The following MAD2L1BP variants were observed in gnomAD, a reference collection of about 807,000 sequenced individuals.
The protein encoded by MAD2L1BP is MAD2L1 binding protein, also known as MAD2L1-binding protein.
MAD2L1BP carries 22 observed loss-of-function variants against 28.4 expected under a neutral mutation model. The ratio of observed to expected loss-of-function variants is 0.77; its 90% CI spans 0.55 to 1.10. MAD2L1BP has a LOEUF of 1.10. Ranked by LOEUF, MAD2L1BP falls within the 50% of genes least tolerant of loss-of-function variation. MAD2L1BP has a pLI of 0.00. For missense variants in MAD2L1BP, 325 were observed against 350.5 expected (o/e 0.93, Z 0.58); for synonymous variants, 146 against 133.7 (o/e 1.09, Z -0.63).
At chr6:43,634,828 G>A (rs930384917), upstream of MAD2L1BP, among the ~76,000 whole-genome samples, 1 of 152,116 alleles carries the variant, frequency 6.6e-6, no homozygotes, top group African/African-American at 2.4e-5. Context: ...CAAAGTGCTA[G>A]GATTACAGGC....
In MAD2L1BP at chr6:43,640,178, A is replaced by G. The variant is rs1770486837; in HGVS notation, c.470A>G (p.Asn157Ser). The G allele has an allele frequency of 1.2e-6, 2 of 1,613,344 alleles. No individual in the cohort carries two copies. Among genetic ancestry groups the G allele is most frequent in the African/African-American group, 1.3e-5 (1 of 74,912 alleles). The change falls in exon 3 of 3, where the codon AAT becomes AGT. Residue 157 changes from asparagine (N) to serine (S), a missense_variant. By Grantham distance (46) the Asn-to-Ser change is conservative. Transcript: ENST00000372171. ...VPRVLILLGG[N>S]ALSPKEFYEL... ...CGAGTGCTGATTCTCCTTGGGGGCA[A>G]TGCCCTAAGCCCCAAGGAGTTCTAT...
Position 43,640,826 on chromosome 6 carries a change from ACT to A in MAD2L1BP, c.*296_*297del, listed in dbSNP as rs1378365241. Reference sequence around the variant, plus strand: ...GGAAAGCAAAAATGGGTCCATAGACACTCTATGGAGGTGTCCCTTTCTGCTCT... The same window carrying A: ...GGAAAGCAAAAATGGGTCCATAGACACTATGGAGGTGTCCCTTTCTGCTCT... On this transcript the variant is annotated 3_prime_UTR_variant, in exon 3 of 3. Coordinates refer to ENST00000372171, the MANE Select transcript of MAD2L1BP (RefSeq NM_014628.3). 8.9e-6 allele frequency: 3 copies of A among 336,278 alleles called. No individual in the cohort carries two copies. In the Admixed American group the frequency reaches 1.4e-4, roughly 16 times the overall value. The allele number at this position is 336,278 out of a possible 1,614,324, so 20.8% of individuals were successfully genotyped here. A position where few individuals can be genotyped will look rare whatever the true frequency, so the allele number is the denominator to read the frequency against.
At chr6:43,636,253 A>C in intron 1 of MAD2L1BP, 128 bp from the exon 2 acceptor site, 1 of 846,712 alleles carries the variant, frequency 1.2e-6, no homozygotes, top group Non-Finnish European at 1.8e-6. Flanking sequence ...TAGGCTGCGG[A>C]GGATATGGGC....
upstream of MAD2L1BP, among the ~76,000 whole-genome samples, chr6:43,630,927 A>G (rs955372965): frequency 2.0e-5 from 3 of 151,380 alleles, no homozygotes; most frequent in Non-Finnish European, 4.4e-5. Flanking sequence ...AAAAAAAAAA[A>G]AAAAGAAAGA....
upstream of MAD2L1BP, among the ~76,000 whole-genome samples, chr6:43,632,014 C>G (rs1165244149): frequency 6.6e-6 from 1 of 152,004 alleles, no homozygotes; most frequent in East Asian, 1.9e-4. Flanking sequence ...ATTCTCCTGC[C>G]TCAGCCTTCT....
At chr6:43,636,320 G>T in intron 1 of MAD2L1BP, 61 bp from the exon 2 acceptor site, 1 of 1,578,558 alleles carries the variant, frequency 6.3e-7, no homozygotes. Context: ...CAGGGAATGA[G>T]AAGACTGACT....
rs1463913385 is a variant in MAD2L1BP at position 43,640,650 on chromosome 6, T to TAA, written c.*117_*118insAA. ...TTCCTGGTGAGAGAGGAAGCAACTC[T>TAA]CCTTCTGGTTGTCTGCCTCCCCTCA... is the stretch of plus-strand genomic sequence containing the variant. On this transcript the variant is annotated 3_prime_UTR_variant, in exon 3 of 3. Transcript: ENST00000372171. 9.0e-7 allele frequency: 1 copy of TAA among 1,108,836 alleles called. No individual in the cohort carries two copies. Among genetic ancestry groups the TAA allele is most frequent in the Non-Finnish European group, 1.3e-6 (1 of 796,532 alleles). The allele number at this position is 1,108,836 out of a possible 1,614,324, so 68.7% of individuals were successfully genotyped here.
Position 43,640,334 on chromosome 6 carries a change from T to C in MAD2L1BP, c.626T>C (p.Met209Thr). Reference sequence around the variant, plus strand: ...AGCGAGCTTCAGGCTCCTCCACTCATGGGCACCGTCGTCATGGCACAGGGA... The same window carrying C: ...AGCGAGCTTCAGGCTCCTCCACTCACGGGCACCGTCGTCATGGCACAGGGA... ...AFSELQAPPL[M>T]GTVVMAQGHR... is the part of the protein sequence containing the mutation. Residue 209 changes from methionine (M) to threonine (T), a missense_variant, in exon 3 of 3, where the codon ATG becomes ACG. By Grantham distance (81) the Met-to-Thr change is moderately conservative (BLOSUM62 -1). Transcript: ENST00000372171. The C allele has an allele frequency of 6.8e-6, 11 of 1,613,786 alleles. No homozygotes were observed. The highest frequency in any genetic ancestry group is 8.5e-6 in the Non-Finnish European group (10 of 1,179,886).
upstream of MAD2L1BP, chr6:43,635,784 C>T: frequency 7.5e-7 from 1 of 1,333,858 alleles, no homozygotes; most frequent in Non-Finnish European, 9.8e-7. Context: ...TTTTTTCCGA[C>T]CCAACTGAGC....
chr6:43,640,578 T>G lies in MAD2L1BP; in HGVS notation c.*45T>G, dbSNP rs373043485. 2.6e-6 allele frequency: 4 copies of G among 1,518,156 alleles called. No homozygotes were observed. In the East Asian group the frequency reaches 6.9e-5, roughly 26 times the overall value. 94.0% of individuals were successfully genotyped at this position (1,518,156 alleles called of 1,614,324 possible). A position where few individuals can be genotyped will look rare whatever the true frequency, so the allele number is the denominator to read the frequency against. ...AAAAACACAATGGCTGAATTATCTT[T>G]CTCCATGTGGCGCTGAATCACCCAT... is the stretch of plus-strand genomic sequence containing the variant. On this transcript the variant is annotated 3_prime_UTR_variant, in exon 3 of 3. Coordinates refer to ENST00000372171, the MANE Select transcript of MAD2L1BP (RefSeq NM_014628.3).
chr6:43,632,013 C>T (rs1769951527), upstream of MAD2L1BP, among the ~76,000 whole-genome samples: 1 of 151,988 alleles, frequency 6.6e-6, no homozygotes, highest in Non-Finnish European at 1.5e-5. Context: ...GATTCTCCTG[C>T]CTCAGCCTTC....
intron 2 of MAD2L1BP, 77 bp from the exon 3 acceptor site, chr6:43,639,944 C>A: frequency 7.4e-7 from 1 of 1,359,464 alleles, no homozygotes; most frequent in Non-Finnish European, 9.9e-7. Context: ...ATGTACACAT[C>A]CCAGCAGGGT....
Position 43,639,242 on chromosome 6 carries a change from C to T in MAD2L1BP, c.313-779C>T, listed in dbSNP as rs139734354. On this transcript the variant is annotated intron_variant, in intron 2 of 2. Coordinates refer to ENST00000372171, the MANE Select transcript of MAD2L1BP (RefSeq NM_014628.3). ...GCAAGCTCTGCCTCCTGGGTTCAGG[C>T]TATTCTCCTGCCTCAGCCTCCCTAG... Among the ~76,000 whole-genome samples the T allele has an allele frequency of 6.0e-3, 916 of 152,140 alleles. 4 individuals are homozygous for T. The highest frequency in any genetic ancestry group is 0.01 in the Admixed American group (156 of 15,282).
intron 2 of MAD2L1BP, among the ~76,000 whole-genome samples, chr6:43,639,481 T>A (rs188862229): frequency 1.3e-5 from 2 of 152,362 alleles, no homozygotes; most frequent in Admixed American, 1.3e-4. Flanking sequence ...TGTTTGCATT[T>A]GGCTAGTGTT....
chr6:43,636,333 C>T, intron 1 of MAD2L1BP, 48 bp from the exon 2 acceptor site: 2 of 1,601,916 alleles, frequency 1.2e-6, no homozygotes, highest in Non-Finnish European at 8.5e-7. Context: ...GACTGACTGG[C>T]TTTTAGGTTT....
At chr6:43,635,721 G>C (rs138454939), upstream of MAD2L1BP, 367 of 661,922 alleles carry the variant, frequency 5.5e-4, 4 homozygotes, top group East Asian at 9.9e-3. Flanking sequence ...AGGAACGCAG[G>C]GTTCAAATCC....
At chr6:43,638,106 T>C (rs1582366342) in intron 2 of MAD2L1BP, among the ~76,000 whole-genome samples, 1 of 148,780 alleles carries the variant, frequency 6.7e-6, no homozygotes, top group Non-Finnish European at 1.5e-5. Flanking sequence ...CAATGTTGGC[T>C]AGGCTGCTCT....
At chr6:43,632,831 G>A (rs1769999966), upstream of MAD2L1BP, among the ~76,000 whole-genome samples, 1 of 151,710 alleles carries the variant, frequency 6.6e-6, no homozygotes, top group Admixed American at 6.6e-5. Context: ...GACCAGCTTG[G>A]CCAACATGGT....
chr6:43,634,545 G>A (rs1770095106), upstream of MAD2L1BP, among the ~76,000 whole-genome samples: 1 of 151,910 alleles, frequency 6.6e-6, no homozygotes, highest in South Asian at 2.1e-4. Context: ...TTTCTTGTCA[G>A]TCTCTTTCTT....
Sources: allele counts gnomAD v4.1 joint callset (sites outside exome capture counted in the v4.1 genomes callset), GRCh38; gene constraint gnomAD v4.1.1; transcripts MANE v1.5; gene names NCBI Gene and HGNC (gene_info 2026-07-23, HGNC 2026-07-21).